MED12L: variants seen among roughly 807,000 people sequenced by gnomAD.
MED12L encodes mediator of RNA polymerase II transcription subunit 12-like protein.
In MED12L, 60 loss-of-function variants were observed where a neutral mutation model predicts 281.3. The observed-to-expected ratio is 0.21, with a 90% CI of 0.17 to 0.26. The LOEUF is 0.26. MED12L is among the 10% of genes least tolerant of loss of function. The pLI, the probability that MED12L is intolerant of heterozygous loss-of-function variation, is 1.00. For missense variants in MED12L, 2,146 were observed against 2,680.9 expected, an observed-to-expected ratio of 0.80 and a Z score of 4.41; for synonymous variants, 974 against 987.2, an observed-to-expected ratio of 0.99 and a Z score of 0.25.
At chr3:151,162,681 C>T (rs1720152931) in intron 8 of MED12L, among the ~76,000 whole-genome samples, 1 of 152,172 alleles carries the variant, frequency 6.6e-6, no homozygotes, top group Admixed American at 6.5e-5. Context: ...TCAAGTGATC[C>T]TTCTGCCTTG....
chr3:151,150,354 ATC>A (rs1156835501), intron 5 of MED12L, among the ~76,000 whole-genome samples: 2 of 152,176 alleles, frequency 1.3e-5, no homozygotes, highest in African/African-American at 2.4e-5. Context: ...TTTGAAAGGT[ATC>A]TCTCTTTTTT....
chr3:151,308,030 C>A (rs986408331), intron 16 of MED12L, among the ~76,000 whole-genome samples: 2 of 152,132 alleles, frequency 1.3e-5, no homozygotes, highest in African/African-American at 4.8e-5. Flanking sequence ...ACCTGACGTA[C>A]TTCCCAAGGG....
At position 151,085,955 on chromosome 3, in the gene MED12L, G is replaced by A. The variant is rs967109946; in HGVS notation, c.-130+19G>A. 2 of 152,160 alleles carry A rather than the reference G, an allele frequency of 1.3e-5. No homozygotes were observed. The highest frequency in any genetic ancestry group is 2.9e-5 in the Non-Finnish European group (2 of 68,030). 9.4% of individuals were successfully genotyped at this position (152,160 alleles called of 1,614,324 possible). Reference sequence around the variant, plus strand: ...CCAACAGGTAAAGTGTTGGGGGTTGGGGGCGGAAGGGAAGAGGAGCTGGGG... The same window carrying A: ...CCAACAGGTAAAGTGTTGGGGGTTGAGGGCGGAAGGGAAGAGGAGCTGGGG... On this transcript the variant is annotated intron_variant, in intron 1 of 44. Coordinates refer to ENST00000687756, the MANE Select transcript of MED12L (RefSeq NM_001393769.1).
chr3:151,321,929 A>G (rs1288813171), intron 16 of MED12L, among the ~76,000 whole-genome samples: 2 of 151,780 alleles, frequency 1.3e-5, no homozygotes, highest in East Asian at 3.9e-4. Context: ...TAAGGACTTC[A>G]TATTAGAATG....
intron 41 of MED12L, 30 bp from the exon 42 acceptor site, chr3:151,413,109 C>T: frequency 6.3e-7 from 1 of 1,598,330 alleles, no homozygotes; most frequent in Non-Finnish European, 8.6e-7. Flanking sequence ...TATGCTTGGG[C>T]CTGAACCAAG....
chr3:151,242,515 C>T (rs1167388933), intron 16 of MED12L, among the ~76,000 whole-genome samples: 4 of 152,204 alleles, frequency 2.6e-5, no homozygotes, highest in African/African-American at 4.8e-5. Context: ...ACACTGACAC[C>T]TCACACAGCA....
chr3:151,425,481 G>A, intron 43 of MED12L: 1 of 372,308 alleles, frequency 2.7e-6, no homozygotes, highest in Non-Finnish European at 5.4e-6. Flanking sequence ...GCTCACTGCA[G>A]TCTCAGACTC....
At chr3:151,287,346 G>T (rs900366572) in intron 16 of MED12L, among the ~76,000 whole-genome samples, 1 of 152,156 alleles carries the variant, frequency 6.6e-6, no homozygotes, top group Non-Finnish European at 1.5e-5. Context: ...TACTGCTGGG[G>T]TTGAGCTACA....
At chr3:151,116,064 C>CAAAAAAAAAA in intron 2 of MED12L, among the ~76,000 whole-genome samples, 1 of 92,268 alleles carries the variant, frequency 1.1e-5, no homozygotes, top group Non-Finnish European at 2.1e-5. Context: ...ACTCCATCTC[C>CAAAAAAAAAA]AAAAAAAAAA....
intron 43 of MED12L, chr3:151,425,611 T>G: frequency 4.4e-6 from 2 of 455,868 alleles, no homozygotes; most frequent in Non-Finnish European, 8.8e-6. Context: ...CAAACAATGG[T>G]ATTTCCTGGA....
chr3:151,160,584 A>G (rs949209913), intron 8 of MED12L, among the ~76,000 whole-genome samples: 1 of 152,198 alleles, frequency 6.6e-6, no homozygotes, highest in African/African-American at 2.4e-5. Context: ...TACCAGGAAT[A>G]TCAGGAATGA....
chr3:151,334,196 C>CCATTTTTTTTTTTTTTTTT (rs1750689705), intron 16 of MED12L, among the ~76,000 whole-genome samples: 1 of 118,230 alleles, frequency 8.5e-6, no homozygotes, highest in South Asian at 2.8e-4. Context: ...TTCTTTCTTT[C>CCATTTTTTTTTTTTTTTTT]TTTTTTTTTT....
At chr3:151,238,211 A>G (rs916038398) in intron 16 of MED12L, among the ~76,000 whole-genome samples, 22 of 151,878 alleles carry the variant, frequency 1.4e-4, no homozygotes, top group Admixed American at 4.6e-4. Flanking sequence ...CAGTGGCACT[A>G]TCTTGGCTCA....
At chr3:151,279,202 G>T (rs551165515) in intron 16 of MED12L, among the ~76,000 whole-genome samples, 3 of 152,182 alleles carry the variant, frequency 2.0e-5, no homozygotes, top group African/African-American at 4.8e-5. Context: ...ACTTTATAAG[G>T]TTCCTGCATT....
At chr3:151,259,916 G>C (rs1253879119) in intron 16 of MED12L, among the ~76,000 whole-genome samples, 1 of 152,140 alleles carries the variant, frequency 6.6e-6, no homozygotes, top group African/African-American at 2.4e-5. Flanking sequence ...TGTAATCCTT[G>C]TATTTTAATT....
chr3:151,090,896 C>T (rs1447493972), intron 2 of MED12L, among the ~76,000 whole-genome samples: 2 of 152,098 alleles, frequency 1.3e-5, no homozygotes, highest in Non-Finnish European at 2.9e-5. Context: ...CAAAAATTAG[C>T]TGGGCATGGT....
chr3:151,212,224 T>C (rs556275207), intron 16 of MED12L: 2 of 152,232 alleles, frequency 1.3e-5, no homozygotes, highest in African/African-American at 2.4e-5. Context: ...TAGATGAATG[T>C]CTTCTAGCCA....
At chr3:151,096,941 C>T (rs921877635) in intron 2 of MED12L, among the ~76,000 whole-genome samples, 3 of 152,200 alleles carry the variant, frequency 2.0e-5, no homozygotes, top group Non-Finnish European at 4.4e-5. Flanking sequence ...GGTAACTCTT[C>T]AGCTCACCAC....
chr3:151,426,446 T>C (rs1014245524), intron 43 of MED12L, among the ~76,000 whole-genome samples: 4 of 152,072 alleles, frequency 2.6e-5, no homozygotes, highest in Non-Finnish European at 1.5e-5. Context: ...CCCAGAGAAA[T>C]TGCATCTGGG....
Sources: allele counts gnomAD v4.1 joint callset (sites outside exome capture counted in the v4.1 genomes callset), GRCh38; gene constraint gnomAD v4.1.1; transcripts MANE v1.5; gene names NCBI Gene and HGNC (gene_info 2026-07-23, HGNC 2026-07-21).